Variants in DACH1 observed in about 807,000 individuals in gnomAD.
DACH1 encodes dachshund homolog 1.
A neutral mutation model predicts 54.2 loss-of-function variants in DACH1; 12 were observed. The observed-to-expected ratio is 0.22, with a 90% CI of 0.14 to 0.36. The LOEUF (loss-of-function observed/expected upper bound fraction) is 0.36, where lower values mean the gene tolerates loss of function less well. Ranked by LOEUF, DACH1 falls within the 10% of genes least tolerant of loss-of-function variation. The pLI, the probability that DACH1 is intolerant of heterozygous loss-of-function variation, is 1.00. For synonymous variants in DACH1, 386 were observed against 366.2 expected (o/e 1.05, Z -0.62); for missense variants, 805 against 929.8 (o/e 0.87, Z 1.75).
At chr13:71,510,488 T>G (rs2138256016) in intron 6 of DACH1, among the ~76,000 whole-genome samples, 1 of 152,128 alleles carries the variant, frequency 6.6e-6, no homozygotes, top group East Asian at 1.9e-4. Flanking sequence ...TCTATTCCCC[T>G]CCTTTCCAGG....
intron 2 of DACH1, among the ~76,000 whole-genome samples, chr13:71,637,534 A>C (rs1276229033): frequency 6.6e-6 from 1 of 152,176 alleles, no homozygotes. Flanking sequence ...GATTTATCAT[A>C]AAATCACTAA....
At chr13:71,505,776 A>T (rs1880266408) in intron 6 of DACH1, among the ~76,000 whole-genome samples, 1 of 152,150 alleles carries the variant, frequency 6.6e-6, no homozygotes, top group African/African-American at 2.4e-5. Flanking sequence ...CCAGGTAGAA[A>T]CTGAAAGTTT....
chr13:71,525,188 C>T (rs1195301499), intron 6 of DACH1, among the ~76,000 whole-genome samples: 2 of 152,050 alleles, frequency 1.3e-5, no homozygotes, highest in Non-Finnish European at 1.5e-5. Flanking sequence ...GAGAAAAACA[C>T]GATTCATAAA....
intron 2 of DACH1, among the ~76,000 whole-genome samples, chr13:71,650,116 C>G (rs1370277256): frequency 1.3e-5 from 2 of 152,148 alleles, no homozygotes; most frequent in Non-Finnish European, 2.9e-5. Flanking sequence ...ACTGTTTGTT[C>G]ACATTGAAAT....
chr13:71,866,526 T>TGCCGCCGCCGCCGCCGCCGCC lies in DACH1; in HGVS notation c.223_243dup (p.Gly75_Gly81dup). On this transcript the variant is annotated inframe_insertion, in exon 1 of 11. Coordinates refer to ENST00000613252, the MANE Select transcript of DACH1 (RefSeq NM_080759.6). ...CCGCTGCTGCCGCCGCCGCCTCCGCTGCCGCCGCCGCCGCCGCCGCCGCCG... is the reference window on the plus strand; with the variant it reads ...CCGCTGCTGCCGCCGCCGCCTCCGCTGCCGCCGCCGCCGCCGCCGCCGCCGCCGCCGCCGCCGCCGCCGCCG... The TGCCGCCGCCGCCGCCGCCGCC allele has an allele frequency of 8.2e-7, 1 of 1,214,176 alleles. No homozygotes were observed. The highest frequency in any genetic ancestry group is 1.7e-5 in the African/African-American group (1 of 58,754). The allele number at this position is 1,214,176 out of a possible 1,614,324, so 75.2% of individuals were successfully genotyped here.
chr13:71,821,500 TCCCC>T (rs1268104086), intron 1 of DACH1, among the ~76,000 whole-genome samples: 4 of 54,506 alleles, frequency 7.3e-5, no homozygotes, highest in Non-Finnish European at 1.1e-4. Flanking sequence ...TTTAAAATTT[TCCCC>T]TTAATGTAGG....
chr13:71,596,479 T>C (rs140456189), intron 3 of DACH1, among the ~76,000 whole-genome samples: 1 of 152,346 alleles, frequency 6.6e-6, no homozygotes, highest in African/African-American at 2.4e-5. Context: ...TTCATATTTA[T>C]GGTTTAATAC....
intron 1 of DACH1, among the ~76,000 whole-genome samples, chr13:71,748,908 CTTTCTTTCTTTCTT>C (rs1566476974): frequency 7.0e-3 from 215 of 30,858 alleles, no homozygotes; most frequent in African/African-American, 0.016. Context: ...CTCTTTCTTT[CTTTCTTTCTTTCTT>C]TCTTTCTTTC....
intron 5 of DACH1, among the ~76,000 whole-genome samples, chr13:71,558,695 G>A (rs1725888246): frequency 6.6e-6 from 1 of 151,824 alleles, no homozygotes; most frequent in Non-Finnish European, 1.5e-5. Context: ...ACAAAATTAA[G>A]GAAATACGTT....
chr13:71,634,659 T>C (rs1015076143), intron 2 of DACH1, among the ~76,000 whole-genome samples: 4 of 152,296 alleles, frequency 2.6e-5, no homozygotes, highest in East Asian at 1.9e-4. Flanking sequence ...AATTAGCTCA[T>C]GGCTTACTCT....
chr13:71,531,121 AC>A (rs1369815531), intron 6 of DACH1, among the ~76,000 whole-genome samples: 1 of 152,126 alleles, frequency 6.6e-6, no homozygotes, highest in Non-Finnish European at 1.5e-5. Flanking sequence ...ATACTAAACA[AC>A]AGGAATTCTG....
At chr13:71,568,353 G>T (rs1301143391) in intron 4 of DACH1, among the ~76,000 whole-genome samples, 1 of 151,938 alleles carries the variant, frequency 6.6e-6, no homozygotes, top group Non-Finnish European at 1.5e-5. Context: ...TCCAAATTGA[G>T]GTTGATGTCT....
chr13:71,819,387 A>T (rs193020438), intron 1 of DACH1, among the ~76,000 whole-genome samples: 1 of 152,366 alleles, frequency 6.6e-6, no homozygotes, highest in Admixed American at 6.5e-5. Flanking sequence ...CGAGGGGCAA[A>T]GACGCAGTGT....
chr13:71,488,953 AG>A, intron 7 of DACH1, 43 bp downstream of exon 7: 3 of 1,580,524 alleles, frequency 1.9e-6, no homozygotes, highest in Non-Finnish European at 2.6e-6. Context: ...AATCTACAAC[AG>A]GGTGTTCCAT....
At chr13:71,598,149 T>A (rs1308193385) in intron 3 of DACH1, among the ~76,000 whole-genome samples, 1 of 152,068 alleles carries the variant, frequency 6.6e-6, no homozygotes, top group African/African-American at 2.4e-5. Flanking sequence ...TATATTAAGA[T>A]GCACTAGCTA....
intron 3 of DACH1, among the ~76,000 whole-genome samples, chr13:71,581,319 C>G (rs1872835835): frequency 6.6e-6 from 1 of 152,124 alleles, no homozygotes; most frequent in Non-Finnish European, 1.5e-5. Flanking sequence ...GGCTGGAGAG[C>G]AGTGGTGCAA....
chr13:71,854,549 A>G (rs910472327), intron 1 of DACH1, among the ~76,000 whole-genome samples: 1 of 152,134 alleles, frequency 6.6e-6, no homozygotes, highest in African/African-American at 2.4e-5. Flanking sequence ...TGTGGTGTGT[A>G]ACATCAATCA....
intron 6 of DACH1, among the ~76,000 whole-genome samples, chr13:71,517,578 A>T (rs142548556): frequency 1.3e-5 from 2 of 152,030 alleles, no homozygotes; most frequent in Non-Finnish European, 2.9e-5. Flanking sequence ...GATTAAATTA[A>T]CAATAACAAA....
chr13:71,642,117 A>G (rs1393111897), intron 2 of DACH1, among the ~76,000 whole-genome samples: 2 of 152,186 alleles, frequency 1.3e-5, no homozygotes, highest in East Asian at 3.8e-4. Context: ...AATTTTCCTA[A>G]CATCTCTTCA....
Sources: allele counts gnomAD v4.1 joint callset (sites outside exome capture counted in the v4.1 genomes callset), GRCh38; gene constraint gnomAD v4.1.1; transcripts MANE v1.5; gene names NCBI Gene and HGNC (gene_info 2026-07-23, HGNC 2026-07-21).